Variants in CYP4X1 observed in about 807,000 individuals in gnomAD.
CYP4X1 encodes the protein cytochrome P450 4X1.
CYP4X1 carries 44 observed loss-of-function variants against 57.9 expected under a neutral mutation model. The observed-to-expected ratio is 0.76, with a 90% CI of 0.60 to 0.98. The LOEUF (loss-of-function observed/expected upper bound fraction) is 0.98, where lower values mean the gene tolerates loss of function less well. Among genes scored for constraint, CYP4X1 ranks in the 50% least tolerant of loss-of-function variants. The pLI is 0.00. For synonymous variants in CYP4X1, 227 were observed against 228.6 expected (o/e 0.99, Z 0.06); for missense variants, 532 against 623.9 (o/e 0.85, Z 1.57).
the CYP4X1 span, among the ~76,000 whole-genome samples, chr1:47,008,659 G>A: frequency 6.6e-6 from 1 of 152,152 alleles, no homozygotes; most frequent in African/African-American, 2.4e-5. Context: ...ACCCATCAGT[G>A]TGCTGTATTC....
At chr1:47,001,657 T>C in the CYP4X1 span, among the ~76,000 whole-genome samples, 1 of 152,186 alleles carries the variant, frequency 6.6e-6, no homozygotes, top group African/African-American at 2.4e-5. Context: ...CACCTGTAGC[T>C]TTCTAATTCT....
the CYP4X1 span, chr1:46,967,748 GC>G: frequency 7.9e-7 from 1 of 1,264,054 alleles, no homozygotes; most frequent in Non-Finnish European, 1.0e-6. Flanking sequence ...TTGAACTTCA[GC>G]AAAATTCATG....
At chr1:47,050,991 A>G (rs12140891), downstream of CYP4X1, among the ~76,000 whole-genome samples, 37,981 of 152,078 alleles carry the variant, frequency 0.25, 5,673 homozygotes, top group East Asian at 0.69. Flanking sequence ...CTCATCTGAC[A>G]AAGGCCTAAT....
chr1:47,008,780 G>A, the CYP4X1 span, among the ~76,000 whole-genome samples: 1 of 152,084 alleles, frequency 6.6e-6, no homozygotes, highest in African/African-American at 2.4e-5. Flanking sequence ...CCTAGTCTCT[G>A]ATAAAACAGA....
downstream of CYP4X1, among the ~76,000 whole-genome samples, chr1:47,052,056 T>C (rs1237164474): frequency 6.6e-6 from 1 of 152,184 alleles, no homozygotes; most frequent in East Asian, 1.9e-4. Context: ...TTATTAATAT[T>C]CAATTTCATT....
At chr1:47,041,156 T>C (rs144266453) in intron 8 of CYP4X1, among the ~76,000 whole-genome samples, 158 of 152,270 alleles carry the variant, frequency 1.0e-3, no homozygotes, top group African/African-American at 3.7e-3. Context: ...GTCCATTGTT[T>C]ATATATATAC....
At chr1:47,016,802 T>C in the CYP4X1 span, among the ~76,000 whole-genome samples, 1 of 152,242 alleles carries the variant, frequency 6.6e-6, no homozygotes, top group Non-Finnish European at 1.5e-5. Flanking sequence ...TTGACTACAA[T>C]CACCCTGTTA....
At chr1:47,032,977 C>T (rs903001541) in intron 3 of CYP4X1, among the ~76,000 whole-genome samples, 2 of 152,234 alleles carry the variant, frequency 1.3e-5, no homozygotes, top group Non-Finnish European at 2.9e-5. Context: ...TCAGGATTAG[C>T]GTGCTAATCT....
the CYP4X1 span, among the ~76,000 whole-genome samples, chr1:47,013,373 T>G: frequency 6.6e-6 from 1 of 152,198 alleles, no homozygotes; most frequent in African/African-American, 2.4e-5. Context: ...GGCTTCAACT[T>G]GCTCATTTGT....
At chr1:47,053,286 A>G (rs1644370993), downstream of CYP4X1, among the ~76,000 whole-genome samples, 1 of 152,128 alleles carries the variant, frequency 6.6e-6, no homozygotes, top group African/African-American at 2.4e-5. Context: ...CATGGTGTAT[A>G]TGTGCCACAT....
At chr1:46,976,521 G>A in the CYP4X1 span, among the ~76,000 whole-genome samples, 80 of 152,300 alleles carry the variant, frequency 5.3e-4, 1 homozygote, top group African/African-American at 1.8e-3. Flanking sequence ...TGTAGGCATG[G>A]CATCGCTGAA....
chr1:47,020,344 C>A (rs749785125), upstream of CYP4X1, among the ~76,000 whole-genome samples: 11 of 152,206 alleles, frequency 7.2e-5, no homozygotes, highest in Non-Finnish European at 1.5e-4. Flanking sequence ...CAATACATGG[C>A]ACATGATCAC....
At chr1:47,005,130 C>T in the CYP4X1 span, among the ~76,000 whole-genome samples, 2 of 152,186 alleles carry the variant, frequency 1.3e-5, no homozygotes, top group African/African-American at 2.4e-5. Flanking sequence ...ATCCTCTGGA[C>T]CTCAACCTCT....
the CYP4X1 span, among the ~76,000 whole-genome samples, chr1:47,014,282 C>T: frequency 3.9e-5 from 6 of 152,356 alleles, no homozygotes; most frequent in East Asian, 7.7e-4. Context: ...TGAAACTCTA[C>T]ATCTGCCCCA....
At chr1:47,019,019 T>C (rs1643970495), upstream of CYP4X1, among the ~76,000 whole-genome samples, 1 of 152,194 alleles carries the variant, frequency 6.6e-6, no homozygotes, top group East Asian at 1.9e-4. Context: ...CTTTTATTTC[T>C]GTAACTGGTT....
At chr1:47,031,282 C>T (rs1644121179) in intron 2 of CYP4X1, among the ~76,000 whole-genome samples, 154 bp from the exon 3 acceptor site, 1 of 152,218 alleles carries the variant, frequency 6.6e-6, no homozygotes, top group Admixed American at 6.5e-5. Flanking sequence ...AAGTCTTTCC[C>T]CAGGCTGCCA....
At chr1:46,986,919 A>G in the CYP4X1 span, among the ~76,000 whole-genome samples, 17 of 152,244 alleles carry the variant, frequency 1.1e-4, no homozygotes, top group Non-Finnish European at 1.6e-4. Flanking sequence ...AGCCACTGCA[A>G]AAATATACCA....
Position 47,047,244 on chromosome 1 carries a change from G to A in CYP4X1, c.1207+644G>A, listed in dbSNP as rs912695947. 3.9e-5 allele frequency among the ~76,000 whole-genome samples: 6 copies of A among 152,098 alleles called. 1 individual carries two copies. Among genetic ancestry groups the A allele is most frequent in the Admixed American group, 2.0e-4 (3 of 15,264 alleles). ...CTGAGTCTGGAGCCTAGAGTTCTTC[G>A]GAACAACACAGGTTTCTGAGCAGGG... On this transcript the variant is annotated intron_variant, in intron 9 of 11. Coordinates refer to ENST00000371901, the MANE Select transcript of CYP4X1 (RefSeq NM_178033.2).
At chr1:47,039,206 A>G (rs572664853) in intron 7 of CYP4X1, 136 bp from the exon 8 acceptor site, 416 of 766,428 alleles carry the variant, frequency 5.4e-4, no homozygotes, top group Non-Finnish European at 7.2e-4. Flanking sequence ...TTTATACCAC[A>G]TATTTGTTGA....
Sources: allele counts gnomAD v4.1 joint callset (sites outside exome capture counted in the v4.1 genomes callset), GRCh38; gene constraint gnomAD v4.1.1; transcripts MANE v1.5; gene names NCBI Gene and HGNC (gene_info 2026-07-23, HGNC 2026-07-21).